Variants in PGM3 observed in about 807,000 individuals in gnomAD.
PGM3 encodes the protein phosphoacetylglucosamine mutase.
A neutral mutation model predicts 66.2 loss-of-function variants in PGM3; 40 were observed. The ratio of observed to expected loss-of-function variants is 0.60; its 90% CI spans 0.47 to 0.79. The LOEUF is 0.79. Among genes scored for constraint, PGM3 ranks in the 30% least tolerant of loss-of-function variants. PGM3 has a pLI of 0.00. For missense variants in PGM3, 537 were observed against 643.4 expected (o/e 0.83, Z 1.79); for synonymous variants, 191 against 224.2 (o/e 0.85, Z 1.32).
At chr6:83,183,000 C>T (rs1291114935) in intron 4 of PGM3, 22 bp from the exon 5 acceptor site, 1 of 1,602,774 alleles carries the variant, frequency 6.2e-7, no homozygotes, top group South Asian at 1.1e-5. Flanking sequence ...ATACAAAAAG[C>T]AATTCACCGC....
downstream of PGM3, chr6:83,162,944 TTG>T (rs746218782): frequency 2.0e-5 from 32 of 1,604,486 alleles, no homozygotes; most frequent in Non-Finnish European, 2.3e-5. Flanking sequence ...TGTGATTGTT[TTG>T]TTTTACATCA....
At chr6:83,164,661 A>C, downstream of PGM3, 1 of 1,574,432 alleles carries the variant, frequency 6.4e-7, no homozygotes, top group Middle Eastern at 1.7e-4. Flanking sequence ...CTTCCACAGG[A>C]CAAGGAGGAG....
Position 83,166,794 on chromosome 6 carries a change from TATTAA to T in PGM3, c.*2435_*2439del. ...GCTTGACCCACTAGGAAACTAGTGA[TATTAA>T]ATTATTAGGTAAACAATGAAAGTTT... On this transcript the variant is annotated 3_prime_UTR_variant, in exon 13 of 13. Transcript: ENST00000513973. The T allele has an allele frequency of 1.9e-6, 2 of 1,037,820 alleles. No individual in the cohort carries two copies. The highest frequency in any genetic ancestry group is 2.3e-6 in the Non-Finnish European group (2 of 864,452). 64.3% of individuals were successfully genotyped at this position (1,037,820 alleles called of 1,614,324 possible).
intron 2 of PGM3, among the ~76,000 whole-genome samples, chr6:83,189,496 CA>C (rs1788880582): frequency 6.6e-6 from 1 of 152,180 alleles, no homozygotes; most frequent in Admixed American, 6.5e-5. Context: ...CATATTTAGA[CA>C]TATACACATT....
At chr6:83,159,622 A>G, downstream of PGM3, 1 of 731,582 alleles carries the variant, frequency 1.4e-6, no homozygotes, top group Non-Finnish European at 2.3e-6. Flanking sequence ...CAAAGAAGAA[A>G]AGTGAATTTT....
Position 83,166,220 on chromosome 6 carries a change from G to C in PGM3, c.*3014C>G. The C allele has an allele frequency of 2.0e-6, 1 of 502,208 alleles. No individual in the cohort carries two copies. Among genetic ancestry groups the C allele is most frequent in the Non-Finnish European group, 3.5e-6 (1 of 285,198 alleles). The allele number at this position is 502,208 out of a possible 1,614,324, so 31.1% of individuals were successfully genotyped here. A position where few individuals can be genotyped will look rare whatever the true frequency, so the allele number is the denominator to read the frequency against. On this transcript the variant is annotated 3_prime_UTR_variant, in exon 13 of 13. Coordinates refer to ENST00000513973, the MANE Select transcript of PGM3 (RefSeq NM_015599.3). ...ACCTTTTCAATTTGCTTCAAATGCC[G>C]AACGACCATAAAATGGTCAACATTG... is the stretch of plus-strand genomic sequence containing the variant.
At chr6:83,188,494 A>C in intron 3 of PGM3, 120 bp downstream of exon 3, 1 of 734,810 alleles carries the variant, frequency 1.4e-6, no homozygotes, top group Non-Finnish European at 2.2e-6. Context: ...AGGCAGGTAG[A>C]CATGCAACTC....
At chr6:83,158,981 C>T (rs1783522018), downstream of PGM3, among the ~76,000 whole-genome samples, 1 of 152,288 alleles carries the variant, frequency 6.6e-6, no homozygotes, top group South Asian at 2.1e-4. Flanking sequence ...TTCGTATATG[C>T]AGATCTTCCA....
chr6:83,152,203 AAAAAT>A, the PGM3 span: 1 of 769,346 alleles, frequency 1.3e-6, no homozygotes, highest in Non-Finnish European at 1.9e-6. Context: ...ATACATATAT[AAAAAT>A]AATACACACA....
chr6:83,158,543 C>T (rs780757941), downstream of PGM3: 17 of 1,545,300 alleles, frequency 1.1e-5, no homozygotes, highest in African/African-American at 2.7e-5. Context: ...TTTAAATAAA[C>T]ATTTAACATT....
chr6:83,190,771 A>C, intron 2 of PGM3, 38 bp downstream of exon 2: 6 of 1,495,746 alleles, frequency 4.0e-6, no homozygotes, highest in Non-Finnish European at 5.6e-6. Flanking sequence ...TGGTCTTGTA[A>C]ATAATGGTCT....
the PGM3 span, chr6:83,155,932 CTT>C: frequency 6.2e-7 from 1 of 1,603,208 alleles, no homozygotes; most frequent in Non-Finnish European, 8.5e-7. Flanking sequence ...GTCACAGTCT[CTT>C]TCACTTGCTT....
At chr6:83,173,623 A>ACACT (rs1199649600) in intron 10 of PGM3, among the ~76,000 whole-genome samples, 4 of 152,168 alleles carry the variant, frequency 2.6e-5, no homozygotes, top group Non-Finnish European at 5.9e-5. Flanking sequence ...TGTGTGCAAG[A>ACACT]CACTCAAATA....
chr6:83,179,697 A>C (rs1788033335), intron 7 of PGM3, 113 bp downstream of exon 7: 2 of 774,778 alleles, frequency 2.6e-6, no homozygotes, highest in African/African-American at 3.5e-5. Context: ...TTTTCTGCCC[A>C]CTAATGTAAA....
the PGM3 span, among the ~76,000 whole-genome samples, chr6:83,154,446 GATAAGTA>G: frequency 6.6e-6 from 1 of 152,204 alleles, no homozygotes; most frequent in African/African-American, 2.4e-5. Context: ...CAACTTAAGT[GATAAGTA>G]ATAAGTAAAA....
At chr6:83,164,708 G>T, downstream of PGM3, 1 of 1,591,082 alleles carries the variant, frequency 6.3e-7, no homozygotes, top group South Asian at 1.1e-5. Flanking sequence ...ATTGGAGATG[G>T]CCAAGCATCA....
At chr6:83,190,716 A>C in intron 2 of PGM3, 93 bp downstream of exon 2, 1 of 1,000,756 alleles carries the variant, frequency 1.0e-6, no homozygotes, top group African/African-American at 1.6e-5. Flanking sequence ...ACATTCCTAG[A>C]ATTAGAATTT....
the PGM3 span, chr6:83,151,708 A>G: frequency 2.6e-6 from 4 of 1,541,480 alleles, no homozygotes; most frequent in Non-Finnish European, 2.6e-6. Context: ...AGTGCCCTCA[A>G]TTTGAAAATG....
the PGM3 span, chr6:83,151,768 A>G: frequency 3.2e-5 from 46 of 1,435,934 alleles, no homozygotes; most frequent in Non-Finnish European, 4.1e-5. Flanking sequence ...TGAACATTCT[A>G]TGGGAATCAA....
Sources: allele counts gnomAD v4.1 joint callset (sites outside exome capture counted in the v4.1 genomes callset), GRCh38; gene constraint gnomAD v4.1.1; transcripts MANE v1.5; gene names NCBI Gene and HGNC (gene_info 2026-07-23, HGNC 2026-07-21).